The following ZNF573 variants were observed in gnomAD, a reference collection of about 807,000 sequenced individuals.
The protein encoded by ZNF573 is zinc finger protein 573.
In ZNF573, 41 loss-of-function variants were observed where a neutral mutation model predicts 57.4. The ratio of observed to expected loss-of-function variants is 0.71; its 90% CI spans 0.56 to 0.93. The LOEUF is 0.93. ZNF573 is among the 40% of genes least tolerant of loss of function. The pLI, the probability that ZNF573 is intolerant of heterozygous loss-of-function variation, is 0.00. For synonymous variants in ZNF573, 249 were observed against 261.0 expected (o/e 0.95, Z 0.44); for missense variants, 730 against 794.8 (o/e 0.92, Z 0.98).
intron 4 of ZNF573, chr19:37,740,565 T>G (rs971805694): frequency 1.3e-5 from 6 of 460,818 alleles, no homozygotes; most frequent in Non-Finnish European, 2.6e-5. Flanking sequence ...TAAGAATACA[T>G]CCTTTAAGTT....
At chr19:37,740,633 C>T (rs1478598226) in intron 4 of ZNF573, 1 of 455,512 alleles carries the variant, frequency 2.2e-6, no homozygotes, top group South Asian at 1.6e-5. Context: ...CCAAGGACTG[C>T]TGCTTACCTA....
In ZNF573 at chr19:37,759,240, C is replaced by A. The variant is rs766870429; in HGVS notation, c.295+10765G>T. ...TGTTATACAAGTTCTTAATCTCTGA[C>A]AAGAACATAGCACCATTAGAAATTT... On this transcript the variant is annotated intron_variant, in intron 4 of 4. Coordinates refer to ENST00000536220, the MANE Select transcript of ZNF573 (RefSeq NM_001172690.2). The A allele has an allele frequency of 3.1e-5, 17 of 546,402 alleles. No individual in the cohort carries two copies. The Admixed American group carries it at 3.2e-4, about 10-fold the overall frequency. 33.8% of individuals were successfully genotyped at this position (546,402 alleles called of 1,614,324 possible). A position where few individuals can be genotyped will look rare whatever the true frequency, so the allele number is the denominator to read the frequency against.
chr19:37,742,428 A>C (rs1441129227), intron 4 of ZNF573, among the ~76,000 whole-genome samples: 1 of 152,232 alleles, frequency 6.6e-6, no homozygotes, highest in Admixed American at 6.5e-5. Context: ...TTCAAACTAT[A>C]CTACAAGGCT....
At chr19:37,747,908 G>A (rs1365287819) in intron 4 of ZNF573, among the ~76,000 whole-genome samples, 5 of 152,100 alleles carry the variant, frequency 3.3e-5, no homozygotes, top group Non-Finnish European at 7.4e-5. Flanking sequence ...GGATGGTCTC[G>A]ATCTCCTGAC....
chr19:37,765,005 A>C (rs2045589082), intron 4 of ZNF573, among the ~76,000 whole-genome samples: 1 of 149,528 alleles, frequency 6.7e-6, no homozygotes. Context: ...TCCTGGATTC[A>C]AGTGATTCTC....
chr19:37,743,335 A>G lies in ZNF573; in HGVS notation c.296-3141T>C, dbSNP rs569433641. Among the ~76,000 whole-genome samples, 814 of 150,940 alleles carry G rather than the reference A, an allele frequency of 5.4e-3. 23 individuals are homozygous for G. The highest frequency in any genetic ancestry group is 0.048 in the East Asian group (243 of 5,102). On this transcript the variant is annotated intron_variant, in intron 4 of 4. Transcript: ENST00000536220. The stretch of plus-strand genomic sequence containing the variant: ...AATCCATCTCAAAAAAAAAAAAAAA[A>G]AAGAAGAAGAAGAAGACATTTATGA...
rs2045661016 is a variant in ZNF573 at position 37,771,698 on chromosome 19, T to C, written c.70-2A>G. Reference sequence around the variant, plus strand: ...CCTGAATGTCACTAATTCCTGAAACTGCAAACCCATGCATTACAAAATTTT... The same window carrying C: ...CCTGAATGTCACTAATTCCTGAAACCGCAAACCCATGCATTACAAAATTTT... On this transcript the variant is annotated splice_acceptor_variant, in intron 2 of 4. Coordinates refer to ENST00000536220, the MANE Select transcript of ZNF573 (RefSeq NM_001172690.2). LOFTEE classifies it high-confidence loss of function. 6.3e-7 allele frequency: 1 copy of C among 1,590,208 alleles called. No homozygotes were observed. Among genetic ancestry groups the C allele is most frequent in the Admixed American group, 1.9e-5 (1 of 52,606 alleles).
chr19:37,770,161 C>T, intron 3 of ZNF573, 64 bp from the exon 4 acceptor site: 2 of 1,294,696 alleles, frequency 1.5e-6, no homozygotes, highest in Non-Finnish European at 2.1e-6. Flanking sequence ...AACCTTTGAG[C>T]TTTGATTAAA....
intron 1 of ZNF573, among the ~76,000 whole-genome samples, chr19:37,778,706 T>C (rs1438537911): frequency 6.6e-6 from 1 of 152,136 alleles, no homozygotes; most frequent in Non-Finnish European, 1.5e-5. Flanking sequence ...ATTAGAGTCC[T>C]TTTGAGGAAT....
At chr19:37,758,264 T>TAA (rs2045515453) in intron 4 of ZNF573, among the ~76,000 whole-genome samples, 1 of 91,786 alleles carries the variant, frequency 1.1e-5, no homozygotes, top group Non-Finnish European at 2.0e-5. Context: ...TATATATATA[T>TAA]AAAATTACCC....
At chr19:37,743,688 T>A (rs2045349863) in intron 4 of ZNF573, among the ~76,000 whole-genome samples, 1 of 152,178 alleles carries the variant, frequency 6.6e-6, no homozygotes, top group South Asian at 2.1e-4. Flanking sequence ...CACATGTGCA[T>A]GTACGTTTAC....
chr19:37,752,762 G>A (rs562010331), intron 4 of ZNF573, among the ~76,000 whole-genome samples: 2 of 152,160 alleles, frequency 1.3e-5, no homozygotes, highest in African/African-American at 4.8e-5. Context: ...AGCCTCTTGA[G>A]CAGCTGGGAC....
Position 37,771,516 on chromosome 19 carries a change from A to G in ZNF573, c.202+48T>C, listed in dbSNP as rs2045658676. 1.9e-6 allele frequency: 3 copies of G among 1,582,412 alleles called. No individual in the cohort carries two copies. In the African/African-American group the frequency reaches 4.1e-5, roughly 22 times the overall value. ...CTTGAAATTCATTGTGTTGAAAGGT[A>G]ACATATCACAGATCACATTTTAAAT... is the stretch of plus-strand genomic sequence containing the variant. On this transcript the variant is annotated intron_variant, in intron 3 of 4. Transcript: ENST00000536220.
intron 3 of ZNF573, among the ~76,000 whole-genome samples, chr19:37,770,832 T>TTATATATATATATATA (rs58757674): frequency 0.01 from 971 of 93,364 alleles, 62 homozygotes; most frequent in African/African-American, 0.018. Flanking sequence ...TTAAGTTATT[T>TTATATATATATATATA]TATATATATA....
At position 37,758,513 on chromosome 19, in the gene ZNF573, T is replaced by C. The variant is rs181152303; in HGVS notation, c.295+11492A>G. 6.1e-3 allele frequency: 913 copies of C among 149,678 alleles called. 10 individuals carry two copies. The highest frequency in any genetic ancestry group is 0.022 in the African/African-American group (873 of 40,528). 9.3% of individuals were successfully genotyped at this position (149,678 alleles called of 1,614,324 possible). On this transcript the variant is annotated intron_variant, in intron 4 of 4. Transcript: ENST00000536220. ...CTACTTGGAGGCTGTGGCAGGAGAA[T>C]TGCTTGAACCTGGGAGGCGGAGGTT...
intron 4 of ZNF573, among the ~76,000 whole-genome samples, chr19:37,744,740 C>CAAAAAAAAAAAAA (rs1193916273): frequency 7.8e-5 from 3 of 38,566 alleles, no homozygotes; most frequent in East Asian, 6.8e-4. Flanking sequence ...GACCCTATCT[C>CAAAAAAAAAAAAA]AAAAAAAAAA....
intron 4 of ZNF573, among the ~76,000 whole-genome samples, chr19:37,758,199 T>TAATAAAAA (rs1555742417): frequency 8.4e-5 from 1 of 11,874 alleles, no homozygotes; most frequent in Non-Finnish European, 2.7e-4. Flanking sequence ...TAAAGTATAA[T>TAATAAAAA]AAAATATATA....
At chr19:37,778,210 G>A (rs1335069584) in intron 1 of ZNF573, among the ~76,000 whole-genome samples, 1 of 149,544 alleles carries the variant, frequency 6.7e-6, no homozygotes, top group Non-Finnish European at 1.5e-5. Context: ...ATAGTCTGAA[G>A]ATGAAGTAAA....
rs140593356 is a variant in ZNF573 at position 37,775,819 on chromosome 19, C to T, written c.-22-2068G>A. Reference sequence around the variant, plus strand: ...GCTAAGCTGAGAATCAAATCAAGAACTCAACCTCTTTTACAACAGCTGCAA... The same window carrying T: ...GCTAAGCTGAGAATCAAATCAAGAATTCAACCTCTTTTACAACAGCTGCAA... On this transcript the variant is annotated intron_variant, in intron 1 of 4. Coordinates refer to ENST00000536220, the MANE Select transcript of ZNF573 (RefSeq NM_001172690.2). Among the ~76,000 whole-genome samples, 1,198 of 142,134 alleles carry T rather than the reference C, an allele frequency of 8.4e-3. 17 individuals carry two copies. Among genetic ancestry groups the T allele is most frequent in the Middle Eastern group, 0.039 (11 of 282 alleles). The allele number at this position is 142,134 out of a possible 152,430, so 93.2% of individuals were successfully genotyped here. A position where few individuals can be genotyped will look rare whatever the true frequency, so the allele number is the denominator to read the frequency against.
Sources: gnomAD v4.1 joint callset for allele counts (sites outside exome capture counted in the v4.1 genomes callset) on GRCh38, gnomAD v4.1.1 for gene constraint, MANE v1.5 for transcripts, NCBI Gene and HGNC (gene_info 2026-07-23, HGNC 2026-07-21) for gene names.